The following RBFOX1 variants were observed in gnomAD, a reference collection of about 807,000 sequenced individuals.
RBFOX1 encodes RNA binding protein fox-1 homolog 1.
Under a neutral mutation model 57.7 loss-of-function variants are expected in RBFOX1, and 8 were observed. The observed-to-expected ratio is 0.14, with a 90% CI of 0.08 to 0.25. The LOEUF is 0.25. Ranked by LOEUF, RBFOX1 falls within the 10% of genes least tolerant of loss-of-function variation. The probability of loss-of-function intolerance (pLI) is 1.00; values close to 1 mark genes in which losing one functional copy is unlikely to be tolerated. For synonymous variants in RBFOX1, 326 were observed against 222.4 expected (o/e 1.47, Z -4.15); for missense variants, 611 against 548.5 (o/e 1.11, Z -1.14).
At chr16:5,744,820 C>T (rs1332090873) in intron 3 of RBFOX1, among the ~76,000 whole-genome samples, 1 of 152,160 alleles carries the variant, frequency 6.6e-6, no homozygotes, top group South Asian at 2.1e-4. Flanking sequence ...TGCAGTGGTG[C>T]GATCTCAGCT....
rs147559504 is a variant in RBFOX1, at chr16:7,043,892, T to C, written c.-15-8165T>C. On this transcript the variant is annotated intron_variant, in intron 3 of 15. Transcript: ENST00000550418. The stretch of plus-strand genomic sequence containing the variant: ...TGCCTTTCCTCTGAATATATTTTTT[T>C]CATTCTTTACCTGGATACATTGTCT... Among the ~76,000 whole-genome samples, 10 of 152,336 alleles carry C rather than the reference T, an allele frequency of 6.6e-5. No homozygotes were observed. In the East Asian group the frequency reaches 1.9e-3, roughly 29 times the overall value.
rs560795211 is a variant in RBFOX1 at position 7,228,316 on chromosome 16, A to T, written c.27+176218A>T. Among the ~76,000 whole-genome samples the T allele has an allele frequency of 6.3e-4, 96 of 152,306 alleles. 1 individual carries two copies. The highest frequency in any genetic ancestry group is 2.1e-3 in the African/African-American group (89 of 41,578). ...AGGTAATATAATGATTATTATTCAC[A>T]TATTAGGAGGAAAATCAAGGGTTCC... On this transcript the variant is annotated intron_variant, in intron 4 of 15. Transcript: ENST00000550418.
intron 1 of RBFOX1, among the ~76,000 whole-genome samples, chr16:6,021,419 G>C (rs1479100271): frequency 2.0e-5 from 3 of 152,140 alleles, no homozygotes; most frequent in Non-Finnish European, 2.9e-5. Context: ...GCCCCGGCTG[G>C]AGCTACTGGC....
intron 1 of RBFOX1, among the ~76,000 whole-genome samples, chr16:5,384,445 G>A (rs1013752031): frequency 6.6e-6 from 1 of 152,174 alleles, no homozygotes; most frequent in Non-Finnish European, 1.5e-5. Flanking sequence ...AGTGTTCAGA[G>A]AGGCCTTCTA....
Position 5,609,306 on chromosome 16 carries a change from C to T in RBFOX1, c.318+10345C>T, listed in dbSNP as rs567022390. On this transcript the variant is annotated intron_variant, in intron 3 of 19. Coordinates refer to the RBFOX1 transcript ENST00000641259. Reference sequence around the variant, plus strand: ...GAGCTGTATTTTAAATGTGAATTTCCAATACGCCATCAGTCTATCCCATTA... The same window carrying T: ...GAGCTGTATTTTAAATGTGAATTTCTAATACGCCATCAGTCTATCCCATTA... Among the ~76,000 whole-genome samples, 11 of 152,254 alleles carry T rather than the reference C, an allele frequency of 7.2e-5. No homozygotes were observed. In the South Asian group the frequency reaches 2.1e-3, roughly 29 times the overall value.
intron 4 of RBFOX1, among the ~76,000 whole-genome samples, chr16:7,456,990 A>G (rs998233976): frequency 1.3e-5 from 2 of 151,912 alleles, no homozygotes; most frequent in Non-Finnish European, 2.9e-5. Context: ...TCCTGGATCC[A>G]AGCAATTCTG....
chr16:5,868,635 C>A (rs2057396664), intron 4 of RBFOX1, among the ~76,000 whole-genome samples: 1 of 152,170 alleles, frequency 6.6e-6, no homozygotes, highest in African/African-American at 2.4e-5. Flanking sequence ...AGCTGTGATG[C>A]ATTCATAGTG....
intron 5 of RBFOX1, among the ~76,000 whole-genome samples, chr16:7,520,757 C>G (rs112603986): frequency 6.6e-6 from 1 of 152,140 alleles, no homozygotes; most frequent in Admixed American, 6.5e-5. Flanking sequence ...ATGTTGTTTA[C>G]TGTTTGTTGG....
chr16:7,393,412 A>G (rs1298335110), intron 4 of RBFOX1, among the ~76,000 whole-genome samples: 1 of 152,134 alleles, frequency 6.6e-6, no homozygotes, highest in Non-Finnish European at 1.5e-5. Context: ...CCCAACTATA[A>G]TATTACACTC....
chr16:5,640,526 GCACATACACA>G (rs1567333840), intron 3 of RBFOX1, among the ~76,000 whole-genome samples: 5 of 149,338 alleles, frequency 3.3e-5, no homozygotes, highest in Non-Finnish European at 7.4e-5. Flanking sequence ...ATACACACAT[GCACATACACA>G]CATGCACATA....
chr16:7,380,474 A>C (rs2097766586), intron 4 of RBFOX1, among the ~76,000 whole-genome samples: 1 of 152,222 alleles, frequency 6.6e-6, no homozygotes, highest in South Asian at 2.1e-4. Flanking sequence ...GCACATATAA[A>C]TTATGTACTT....
At chr16:5,582,854 T>A (rs577166921) in intron 2 of RBFOX1, among the ~76,000 whole-genome samples, 78 of 152,278 alleles carry the variant, frequency 5.1e-4, no homozygotes, top group African/African-American at 1.7e-3. Flanking sequence ...GATTTTAGAT[T>A]CTGCCTCTCA....
intron 3 of RBFOX1, among the ~76,000 whole-genome samples, chr16:6,778,737 T>C (rs1222498611): frequency 6.6e-6 from 1 of 152,076 alleles, no homozygotes; most frequent in Non-Finnish European, 1.5e-5. Flanking sequence ...CCTGAGTCTT[T>C]TGTGAAAAAT....
intron 3 of RBFOX1, among the ~76,000 whole-genome samples, chr16:6,807,468 C>G (rs75289583): frequency 6.6e-6 from 1 of 152,012 alleles, no homozygotes; most frequent in African/African-American, 2.4e-5. Flanking sequence ...GCACACAGGG[C>G]TGGGGTCCTG....
intron 3 of RBFOX1, among the ~76,000 whole-genome samples, chr16:5,618,531 G>A (rs1224668243): frequency 2.6e-5 from 4 of 152,144 alleles, no homozygotes; most frequent in Admixed American, 2.6e-4. Flanking sequence ...TAGAGTTGGG[G>A]TTTCACCGTG....
intron 3 of RBFOX1, among the ~76,000 whole-genome samples, chr16:6,726,390 A>AT (rs1490013635): frequency 9.3e-6 from 1 of 107,818 alleles, no homozygotes; most frequent in African/African-American, 2.8e-5. Flanking sequence ...ATAAAACGCT[A>AT]TTTTTTCTTT....
At chr16:5,276,670 C>G (rs11639645) in intron 1 of RBFOX1, among the ~76,000 whole-genome samples, 20,608 of 152,148 alleles carry the variant, frequency 0.14, 1,721 homozygotes, top group East Asian at 0.28. Context: ...GTAATCCCAG[C>G]TACTCAGGCG....
At chr16:6,421,407 C>T (rs1283174020) in intron 2 of RBFOX1, among the ~76,000 whole-genome samples, 2 of 152,118 alleles carry the variant, frequency 1.3e-5, no homozygotes, top group African/African-American at 2.4e-5. Flanking sequence ...CTGAGGACCA[C>T]GCGATTTTAT....
At chr16:6,705,195 A>C (rs2062513295) in intron 3 of RBFOX1, 1 of 152,270 alleles carries the variant, frequency 6.6e-6, no homozygotes. Flanking sequence ...TATGGTTCCA[A>C]AGTCCTTTTA....
Sources: gnomAD v4.1 joint callset for allele counts (sites outside exome capture counted in the v4.1 genomes callset) on GRCh38, gnomAD v4.1.1 for gene constraint, MANE v1.5 for transcripts, NCBI Gene and HGNC (gene_info 2026-07-23, HGNC 2026-07-21) for gene names.